The following CACNA1F variants were observed in gnomAD, a reference collection of about 807,000 sequenced individuals.
CACNA1F encodes calcium voltage-gated channel subunit alpha1 F.
CACNA1F carries 59 observed loss-of-function variants against 143.8 expected under a neutral mutation model. The observed-to-expected ratio is 0.41, with a 90% CI of 0.33 to 0.51. The LOEUF (loss-of-function observed/expected upper bound fraction) is 0.51. Ranked by LOEUF, CACNA1F falls within the 20% of genes least tolerant of loss-of-function variation. The pLI is 0.22. For missense variants in CACNA1F, 1,411 were observed against 1,647.5 expected (o/e 0.86, Z 2.48); for synonymous variants, 643 against 649.1 (o/e 0.99, Z 0.14).
chrX:49,224,365 G>T (rs1557109392), intron 14 of CACNA1F, among the ~76,000 whole-genome samples: 1 of 109,883 alleles, frequency 9.1e-6, no homozygotes, highest in Non-Finnish European at 1.9e-5. Context: ...TTGGGAATGG[G>T]TGTTAGCGTT....
At position 49,213,895 on chromosome X, in the gene CACNA1F, A is replaced by G; in HGVS notation, c.3716T>C (p.Phe1239Ser). 8.4e-7 allele frequency: 1 copy of G among 1,189,411 alleles called. No individual in the cohort carries two copies. Among genetic ancestry groups the G allele is most frequent in the African/African-American group, 1.7e-5 (1 of 57,336 alleles). Residue 1239 changes from phenylalanine (F) to serine (S), a missense_variant, in exon 31 of 48, where the codon TTC becomes TCC. Phe to Ser is a radical substitution (Grantham distance 155, BLOSUM62 -2). Coordinates refer to ENST00000323022, the MANE Select transcript of CACNA1F (RefSeq NM_001256789.3). The stretch of plus-strand genomic sequence containing the variant: ...GTCAAACGTGTTCCAGGCATCAGTG[A>G]AGTAATGCTGCAAGTAGGAGAAAAG... ...KIIAFKPKHY[F>S]TDAWNTFDAL...
chrX:49,230,969 GA>G lies in CACNA1F; in HGVS notation c.401del (p.Phe134SerfsTer3). 1 of 982,723 alleles carries G rather than the reference GA, an allele frequency of 1.0e-6. No homozygotes were observed. Among genetic ancestry groups the G allele is most frequent in the Middle Eastern group, 2.7e-4 (1 of 3,647 alleles). The allele number at this position is 982,723 out of a possible 1,213,427, so 81.0% of individuals were successfully genotyped here. ...NHNLEQVEYV[F>X]LVIFTVETVL... ...CCGTCTCCACAGTGAAAATCACCAG[GA>G]ATACGTACTCCACCTGCTCCTGGGG... On this transcript the variant is annotated frameshift_variant, in exon 4 of 48. Coordinates refer to ENST00000323022, the MANE Select transcript of CACNA1F (RefSeq NM_001256789.3). LOFTEE classifies it high-confidence loss of function.
In CACNA1F at chrX:49,205,678, G is replaced by C. The variant is rs782033301; in HGVS notation, c.5608C>G (p.Pro1870Ala). 25 of 1,203,435 alleles carry C rather than the reference G, an allele frequency of 2.1e-5. No individual in the cohort carries two copies. The highest frequency in any genetic ancestry group is 4.4e-5 in the Admixed American group (2 of 45,253). ...PLRTFTCLHV[P>A]GTHSDPSHGK... is the part of the protein sequence containing the mutation. The stretch of plus-strand genomic sequence containing the variant: ...TGGCTGGGGTCCGAGTGGGTTCCAG[G>C]CACGTGCAGACAGGTGAAGGTGCGC... Residue 1870 changes from proline (P) to alanine (A), a missense_variant, in exon 47 of 48, where the codon CCT becomes GCT. Physicochemically the swap from Pro to Ala is conservative, Grantham distance 27 (BLOSUM62 -1). This residue lies in a region of CACNA1F where 349 missense variants were observed against 350.2 expected (regional missense o/e 1.00). Transcript: ENST00000323022.
chrX:49,213,954 G>A (rs1557106825), intron 30 of CACNA1F, 52 bp from the exon 31 acceptor site: 1 of 946,748 alleles, frequency 1.1e-6, no homozygotes, highest in East Asian at 3.1e-5. Context: ...CGCAAGCCAG[G>A]GTAGGGGGCC....
At chrX:49,222,677 C>T (rs201068294) in intron 16 of CACNA1F, 41 bp downstream of exon 16, 39 of 1,208,595 alleles carry the variant, frequency 3.2e-5, no homozygotes, top group East Asian at 8.9e-5. Flanking sequence ...TTACCCACCC[C>T]GACTCCACCA....
chrX:49,209,521 C>G (rs1199864583), intron 41 of CACNA1F, 108 bp downstream of exon 41: 1 of 1,140,702 alleles, frequency 8.8e-7, no homozygotes, highest in Non-Finnish European at 1.2e-6. Flanking sequence ...GGCCTGGGGC[C>G]TCAGTTTCCT....
intron 29 of CACNA1F, 51 bp downstream of exon 29, chrX:49,215,035 T>G: frequency 4.0e-5 from 44 of 1,109,603 alleles, no homozygotes; most frequent in Non-Finnish European, 5.2e-5. Context: ...AGGGATTATG[T>G]GGAGATAATA....
Position 49,216,327 on chromosome X carries a change from A to G in CACNA1F, c.3236+55T>C, listed in dbSNP as rs7066236. ...CCCATTCCCAGGAGATCCCAACCCAATCCTGCAGAGACCCCTGCCTCATCC... is the reference window on the plus strand; with the variant it reads ...CCCATTCCCAGGAGATCCCAACCCAGTCCTGCAGAGACCCCTGCCTCATCC... On this transcript the variant is annotated intron_variant, in intron 27 of 47. Coordinates refer to ENST00000323022, the MANE Select transcript of CACNA1F (RefSeq NM_001256789.3). 0.01 allele frequency: 11,862 copies of G among 1,173,361 alleles called. 717 individuals are homozygous for G. In the African/African-American group the frequency reaches 0.18, roughly 17 times the overall value.
intron 2 of CACNA1F, 76 bp from the exon 3 acceptor site, chrX:49,231,383 G>A (rs1006988439): frequency 2.6e-6 from 2 of 774,702 alleles, no homozygotes; most frequent in Admixed American, 2.6e-5. Context: ...CTCCCACCCA[G>A]TGCTGACCCT....
intron 4 of CACNA1F, 29 bp from the exon 5 acceptor site, chrX:49,230,638 G>A (rs1557111126): frequency 8.7e-7 from 1 of 1,154,842 alleles, no homozygotes; most frequent in Non-Finnish European, 1.2e-6. Flanking sequence ...GCAGGGAGGC[G>A]GAGGTCAGGC....
intron 8 of CACNA1F, among the ~76,000 whole-genome samples, chrX:49,227,367 C>T (rs868907607): frequency 9.0e-6 from 1 of 111,684 alleles, no homozygotes; most frequent in African/African-American, 3.3e-5. Context: ...CTCTATCACT[C>T]AGGGTGGAGT....
rs1336415124 is a variant in CACNA1F, at chrX:49,205,335, A to G, written c.5703T>C (p.Ala1901=). The G allele has an allele frequency of 2.5e-6, 3 of 1,206,466 alleles. No individual in the cohort carries two copies. In the East Asian group the frequency reaches 8.9e-5, roughly 36 times the overall value. Reference sequence around the variant, plus strand: ...CCAGGGCCACGAAACGTGGGTCTCGAGCAAAGAGGCCCAGACCCTCTGAGA... The same window carrying G: ...CCAGGGCCACGAAACGTGGGTCTCGGGCAAAGAGGCCCAGACCCTCTGAGA... ...VLISEGLGLF[A]RDPRFVALAK... Residue 1901 remains alanine (A), a synonymous_variant, in exon 48 of 48, where the codon GCT becomes GCC. Coordinates refer to ENST00000323022, the MANE Select transcript of CACNA1F (RefSeq NM_001256789.3).
chrX:49,227,266 T>A (rs1479432890), intron 8 of CACNA1F, 139 bp from the exon 9 acceptor site: 1 of 511,006 alleles, frequency 2.0e-6, no homozygotes, highest in African/African-American at 2.3e-5. Flanking sequence ...CACTGACCAT[T>A]CTCTTTGCTT....
At chrX:49,229,449 G>T (rs1477074343) in intron 6 of CACNA1F, among the ~76,000 whole-genome samples, 1 of 110,655 alleles carries the variant, frequency 9.0e-6, no homozygotes, top group Non-Finnish European at 1.9e-5. Flanking sequence ...GAACCACGGC[G>T]CCCAGCCGAG....
rs1557105041 is a variant in CACNA1F, at chrX:49,206,853, A to C, written c.5234T>G (p.Leu1745Arg). The C allele has an allele frequency of 2.5e-6, 3 of 1,182,546 alleles. No homozygotes were observed. The highest frequency in any genetic ancestry group is 6.0e-5 in the East Asian group (2 of 33,446). Reference sequence around the variant, plus strand: ...CCCTGCCTGCTCATCTAGGTAGGAAAGCCTGTGTGGGTGGGAGGGCCAGGG... The same window carrying C: ...CCCTGCCTGCTCATCTAGGTAGGAACGCCTGTGTGGGTGGGAGGGCCAGGG... ...QDEDEEVPDR[L>R]SYLDEQAGTP... Residue 1745 changes from leucine to arginine, a missense_variant and splice_region_variant, in exon 45 of 48, where the codon CTT becomes CGT. Physicochemically the swap from Leu to Arg is moderately radical, Grantham distance 102. Transcript: ENST00000323022.
rs1369511666 is a variant in CACNA1F, at chrX:49,210,952, A to G, written c.4388+13T>C. On this transcript the variant is annotated intron_variant, in intron 37 of 47. Transcript: ENST00000323022. ...TGTCCCCTGGATTCTAGGTAAGGGT[A>G]TAGAGGGCATACTTGGCCCCAGGGT... is the stretch of plus-strand genomic sequence containing the variant. The G allele has an allele frequency of 8.3e-7, 1 of 1,199,605 alleles. No homozygotes were observed. Among genetic ancestry groups the G allele is most frequent in the Non-Finnish European group, 1.1e-6 (1 of 889,054 alleles).
chrX:49,222,158 C>T (rs1175641920), intron 17 of CACNA1F: 6 of 159,274 alleles, frequency 3.8e-5, no homozygotes, highest in African/African-American at 1.9e-4. Context: ...ACCTTAACCC[C>T]AAAGAGCAAT....
At chrX:49,226,824 G>T in intron 9 of CACNA1F, 122 bp from the exon 10 acceptor site, 2 of 1,005,929 alleles carry the variant, frequency 2.0e-6, no homozygotes, top group Non-Finnish European at 2.8e-6. Flanking sequence ...TGCATTTTGA[G>T]CCATAACTTG....
Position 49,224,928 on chromosome X carries a change from G to A in CACNA1F, c.1710C>T (p.Tyr570=), listed in dbSNP as rs368868808. The A allele has an allele frequency of 1.7e-5, 21 of 1,205,543 alleles. No individual in the cohort carries two copies. The highest frequency in any genetic ancestry group is 4.4e-5 in the Admixed American group (2 of 45,652). Residue 570 remains tyrosine, a synonymous_variant, in exon 14 of 48, where the codon TAC becomes TAT. Transcript: ENST00000323022. ...LFTVEMLLKL[Y]GLGPSAYVSS... is the part of the protein sequence containing the mutation. ...ACACATAGGCAGAGGGGCCCAGACCGTACAATTTGAGAAGCATCTCCACCG... is the reference window on the plus strand; with the variant it reads ...ACACATAGGCAGAGGGGCCCAGACCATACAATTTGAGAAGCATCTCCACCG...
Sources: gnomAD v4.1 joint callset for allele counts (sites outside exome capture counted in the v4.1 genomes callset) on GRCh38, gnomAD v4.1.1 for gene constraint, gnomAD v4.1.1 regional missense constraint, MANE v1.5 for transcripts, NCBI Gene and HGNC (gene_info 2026-07-23, HGNC 2026-07-21) for gene names.